BRPF1: variants seen among roughly 807,000 people sequenced by gnomAD.
BRPF1 encodes bromodomain and PHD finger containing 1.
Under a neutral mutation model 115.0 loss-of-function variants are expected in BRPF1, and 15 were observed. That is an observed-to-expected ratio of 0.13 (90% CI 0.09 to 0.20). BRPF1 has a LOEUF of 0.20. Among genes scored for constraint, BRPF1 ranks in the 10% least tolerant of loss-of-function variants. The probability of loss-of-function intolerance (pLI) is 1.00; values close to 1 mark genes in which losing one functional copy is unlikely to be tolerated. For missense variants in BRPF1, 1,118 were observed against 1,638.3 expected (o/e 0.68, Z 5.48); for synonymous variants, 647 against 619.8 (o/e 1.04, Z -0.65).
Position 9,734,586 on chromosome 3 carries a change from G to T in BRPF1, c.446G>T (p.Gly149Val), listed in dbSNP as rs140256539. 1 of 1,614,118 alleles carries T rather than the reference G, an allele frequency of 6.2e-7. No homozygotes were observed. Among genetic ancestry groups the T allele is most frequent in the Non-Finnish European group, 8.5e-7 (1 of 1,180,032 alleles). The change falls in exon 2 of 14, where the codon GGC (glycine) becomes GTC (valine). Residue 149 changes from glycine to valine, a missense_variant. Physicochemically the swap from Gly to Val is moderately radical, Grantham distance 109. Transcript: ENST00000383829. The surrounding 1 kb of genome is among the most constrained non-coding windows in gnomAD (Gnocchi z 5.7). ...TETPAATPKS[G>V]KHKNKEKRKD... ...ACACCAGCTGCTACTCCCAAGTCAG[G>T]CAAACATAAGAACAAGGAGAAGCGC...
chr3:9,734,370 G>A lies in BRPF1; in HGVS notation c.230G>A (p.Ser77Asn), dbSNP rs1455799087. 4 of 1,613,926 alleles carry A rather than the reference G, an allele frequency of 2.5e-6. No homozygotes were observed. Among genetic ancestry groups the A allele is most frequent in the Admixed American group, 3.3e-5 (2 of 60,004 alleles). Residue 77 changes from serine to asparagine, a missense_variant, in exon 2 of 14, where the codon AGC becomes AAC. Around this residue, in one of 10 missense-constraint regions of BRPF1, gnomAD observed 280 missense variants for 382.8 expected, o/e 0.73. Transcript: ENST00000383829. This position sits in a 1 kb window ranked among gnomAD's most constrained non-coding sequence, Gnocchi z 5.7. ...QSRPANKQSP[S>N]PSEVSQSPGR... ...CGCCCAGCCAACAAGCAGTCACCCA[G>A]CCCCTCAGAGGTCTCACAGTCACCA... is the stretch of plus-strand genomic sequence containing the variant.
chr3:9,744,644 C>T (rs1175851502), intron 9 of BRPF1, 136 bp downstream of exon 9: 2 of 684,750 alleles, frequency 2.9e-6, no homozygotes, highest in African/African-American at 1.8e-5. Flanking sequence ...TAACTCCACT[C>T]ACTCATCTTA....
intron 2 of BRPF1, among the ~76,000 whole-genome samples, chr3:9,735,590 C>A (rs150316834): frequency 1.3e-5 from 2 of 152,340 alleles, no homozygotes; most frequent in African/African-American, 4.8e-5. Context: ...CTTTGTAAAT[C>A]TGCAGAGGTA....
At position 9,743,252 on chromosome 3, in the gene BRPF1, TGGTG is replaced by T. The variant is rs2077062307; in HGVS notation, c.2311+4_2311+7del. The T allele has an allele frequency of 6.2e-7, 1 of 1,611,336 alleles. No individual in the cohort carries two copies. Among genetic ancestry groups the T allele is most frequent in the Non-Finnish European group, 8.5e-7 (1 of 1,178,102 alleles). On this transcript the variant is annotated splice_donor_variant and splice_donor_region_variant and coding_sequence_variant and intron_variant, in exon 7 of 14. Transcript: ENST00000383829. LOFTEE classifies it high-confidence loss of function. The surrounding 1 kb of genome is among the most constrained non-coding windows in gnomAD (Gnocchi z 6.1). ...ATGAGGCCACACACCACACTGAAGA[TGGTG>T]GGTGATATATCACACACACATATAA...
In BRPF1 at chr3:9,746,294, C is replaced by T. The variant is rs372391475; in HGVS notation, c.3325-6C>T. On this transcript the variant is annotated splice_region_variant and splice_polypyrimidine_tract_variant and intron_variant, in intron 12 of 13. Transcript: ENST00000383829. ...GAACCAAACTGGGCTCTTATTATAT[C>T]CTCAGATCATTGATCCAAAGATGCC... is the stretch of plus-strand genomic sequence containing the variant. 1.3e-6 allele frequency: 2 copies of T among 1,551,140 alleles called. No individual in the cohort carries two copies. The highest frequency in any genetic ancestry group is 1.4e-5 in the African/African-American group (1 of 72,708).
At chr3:9,746,237 T>A (rs1286370148) in intron 12 of BRPF1, 63 bp from the exon 13 acceptor site, 14 of 1,486,536 alleles carry the variant, frequency 9.4e-6, no homozygotes, top group Admixed American at 2.3e-5. Flanking sequence ...TCTAAGTTCT[T>A]GAGGAGGAAA....
Position 9,742,042 on chromosome 3 carries a change from T to G in BRPF1, c.1872T>G (p.Ile624Met). 2 of 1,614,154 alleles carry G rather than the reference T, an allele frequency of 1.2e-6. No homozygotes were observed. The highest frequency in any genetic ancestry group is 1.7e-6 in the Non-Finnish European group (2 of 1,180,034). The change falls in exon 6 of 14, where the codon ATT (isoleucine) becomes ATG (methionine). Residue 624 changes from isoleucine to methionine, a missense_variant. By Grantham distance (10) the Ile-to-Met change is conservative (BLOSUM62 1). Transcript: ENST00000383829. Reference protein sequence around the residue: ...LKRETIKVQQIAMEMQLTPFL... With the variant: ...LKRETIKVQQMAMEMQLTPFL... The stretch of plus-strand genomic sequence containing the variant: ...TATGTTAGATCAAGGTTCAGCAGAT[T>G]GCCATGGAGATGCAGCTGACTCCTT...
chr3:9,736,321 T>C (rs159158), intron 2 of BRPF1, among the ~76,000 whole-genome samples: 13,656 of 152,262 alleles, frequency 0.09, 842 homozygotes, highest in East Asian at 0.29. Flanking sequence ...CTCAGTTCTT[T>C]AAAAGCAAAT....
rs2125513875 is a variant in BRPF1, at chr3:9,745,290, C to G, written c.3068+135C>G. The G allele has an allele frequency of 1.8e-6, 2 of 1,126,688 alleles. No homozygotes were observed. Among genetic ancestry groups the G allele is most frequent in the South Asian group, 1.6e-5 (1 of 61,998 alleles). 69.8% of individuals were successfully genotyped at this position (1,126,688 alleles called of 1,614,324 possible). On this transcript the variant is annotated intron_variant, in intron 10 of 13. Coordinates refer to ENST00000383829, the MANE Select transcript of BRPF1 (RefSeq NM_001003694.2). The surrounding 1 kb of genome is among the most constrained non-coding windows in gnomAD (Gnocchi z 5.1). ...TAAGATGGCTCAAACTCAAGGTTCT[C>G]TGCTAAATAAATAAATCAGTGTTAC...
chr3:9,740,327 G>A (rs2077008059), intron 3 of BRPF1, among the ~76,000 whole-genome samples: 1 of 152,232 alleles, frequency 6.6e-6, no homozygotes, highest in African/African-American at 2.4e-5. Context: ...AGCTCAAGAA[G>A]TTGTGAAGTG....
At chr3:9,741,801 G>A (rs531384842) in intron 5 of BRPF1, among the ~76,000 whole-genome samples, 4 of 145,080 alleles carry the variant, frequency 2.8e-5, no homozygotes, top group Admixed American at 2.0e-4. Flanking sequence ...CCTCAGTTAT[G>A]TGACATAGGT....
At chr3:9,741,057 A>G in intron 4 of BRPF1, 116 bp downstream of exon 4, 1 of 1,204,036 alleles carries the variant, frequency 8.3e-7, no homozygotes, top group South Asian at 1.4e-5. Context: ...CCTTTAAGCT[A>G]GCCCTCAAAC....
chr3:9,745,300 A>C lies in BRPF1; in HGVS notation c.3068+145A>C, dbSNP rs1575166972. 1 of 1,093,426 alleles carries C rather than the reference A, an allele frequency of 9.1e-7. No homozygotes were observed. Among genetic ancestry groups the C allele is most frequent in the East Asian group, 2.6e-5 (1 of 38,618 alleles). 67.7% of individuals were successfully genotyped at this position (1,093,426 alleles called of 1,614,324 possible). ...CAAACTCAAGGTTCTCTGCTAAATA[A>C]ATAAATCAGTGTTACCATTAATAGA... On this transcript the variant is annotated intron_variant, in intron 10 of 13. Transcript: ENST00000383829. The surrounding 1 kb of genome is among the most constrained non-coding windows in gnomAD (Gnocchi z 5.1).
At chr3:9,746,014 A>C in intron 12 of BRPF1, 84 bp downstream of exon 12, 1 of 1,455,466 alleles carries the variant, frequency 6.9e-7, no homozygotes, top group South Asian at 1.3e-5. Context: ...CTCCCTGCTG[A>C]GCTGTGGGGC....
chr3:9,734,366 C>A lies in BRPF1; in HGVS notation c.226C>A (p.Pro76Thr). 6.2e-7 allele frequency: 1 copy of A among 1,614,040 alleles called. No homozygotes were observed. The highest frequency in any genetic ancestry group is 8.5e-7 in the Non-Finnish European group (1 of 1,180,016). The change falls in exon 2 of 14, where the codon CCC (proline) becomes ACC (threonine). Residue 76 changes from proline (P) to threonine (T), a missense_variant. By Grantham distance (38) the Pro-to-Thr change is conservative. This residue lies in a region of BRPF1 where 280 missense variants were observed against 382.8 expected (regional missense o/e 0.73). Coordinates refer to ENST00000383829, the MANE Select transcript of BRPF1 (RefSeq NM_001003694.2). The surrounding 1 kb of genome is among the most constrained non-coding windows in gnomAD (Gnocchi z 5.7). ...RQSRPANKQS[P>T]SPSEVSQSPG... is the part of the protein sequence containing the mutation. ...GTCACGCCCAGCCAACAAGCAGTCA[C>A]CCAGCCCCTCAGAGGTCTCACAGTC... is the stretch of plus-strand genomic sequence containing the variant.
At position 9,745,680 on chromosome 3, in the gene BRPF1, T is replaced by A; in HGVS notation, c.3176T>A (p.Val1059Glu). 1 of 1,614,236 alleles carries A rather than the reference T, an allele frequency of 6.2e-7. No homozygotes were observed. The highest frequency in any genetic ancestry group is 8.5e-7 in the Non-Finnish European group (1 of 1,180,028). Reference sequence around the variant, plus strand: ...GGCACTGAGAATGAGGCCTACTCCGTGGGCACTGGCCGCGGCGTGGGCCAC... The same window carrying A: ...GGCACTGAGAATGAGGCCTACTCCGAGGGCACTGGCCGCGGCGTGGGCCAC... The part of the protein sequence containing the change: ...TSGTENEAYS[V>E]GTGRGVGHSM... Residue 1059 changes from valine (V) to glutamate (E), a missense_variant, in exon 11 of 14, where the codon GTG becomes GAG. Coordinates refer to ENST00000383829, the MANE Select transcript of BRPF1 (RefSeq NM_001003694.2). The surrounding 1 kb of genome is among the most constrained non-coding windows in gnomAD (Gnocchi z 5.1).
At position 9,743,790 on chromosome 3, in the gene BRPF1, C is replaced by T. The variant is rs200869615; in HGVS notation, c.2524C>T (p.Arg842Trp). The part of the protein sequence containing the change: ...QRETGRDGPE[R>W]HGPSSRGSLT... ...AGAGACGGGACGTGATGGCCCTGAG[C>T]GGCATGGCCCCTCGAGCCGGGGTAG... Residue 842 changes from arginine to tryptophan, a missense_variant, in exon 8 of 14, where the codon CGG becomes TGG. Coordinates refer to ENST00000383829, the MANE Select transcript of BRPF1 (RefSeq NM_001003694.2). This position sits in a 1 kb window ranked among gnomAD's most constrained non-coding sequence, Gnocchi z 6.1. 22 of 1,613,668 alleles carry T rather than the reference C, an allele frequency of 1.4e-5. 1 individual carries two copies. The highest frequency in any genetic ancestry group is 8.9e-5 in the East Asian group (4 of 44,864).
At chr3:9,735,107 T>C (rs2076918867) in intron 2 of BRPF1, among the ~76,000 whole-genome samples, 1 of 150,498 alleles carries the variant, frequency 6.6e-6, no homozygotes, top group African/African-American at 2.5e-5. Context: ...CCTCCTTCCG[T>C]GCTTAAGTGA....
rs1253094273 is a variant in BRPF1, at chr3:9,739,778, C to T, written c.1379C>T (p.Ser460Phe). Residue 460 changes from serine to phenylalanine, a missense_variant, in exon 3 of 14, where the codon TCC (serine) becomes TTC (phenylalanine). By Grantham distance (155) the Ser-to-Phe change is radical. This residue lies in a region of BRPF1 where 87 missense variants were observed against 93.4 expected (regional missense o/e 0.93). Coordinates refer to ENST00000383829, the MANE Select transcript of BRPF1 (RefSeq NM_001003694.2). The part of the protein sequence containing the change: ...PGSARRLPAL[S>F]HSEGEEDEDE... ...TCAGCACGCCGACTGCCTGCCCTGT[C>T]CCACAGCGAGGGTGAGGAGGATGAA... 1.9e-6 allele frequency: 3 copies of T among 1,613,944 alleles called. No homozygotes were observed. The highest frequency in any genetic ancestry group is 1.7e-6 in the Non-Finnish European group (2 of 1,179,892).
Sources: allele counts gnomAD v4.1 joint callset (sites outside exome capture counted in the v4.1 genomes callset), GRCh38; gene constraint gnomAD v4.1.1; regional missense constraint gnomAD v4.1.1; non-coding constraint Gnocchi (gnomAD v3.1); transcripts MANE v1.5; gene names NCBI Gene and HGNC (gene_info 2026-07-23, HGNC 2026-07-21).